ALS2: variants seen among roughly 807,000 people sequenced by gnomAD.
ALS2 encodes alsin.
In ALS2, 117 loss-of-function variants were observed where a neutral mutation model predicts 203.4. The observed-to-expected ratio is 0.58, with a 90% CI of 0.50 to 0.67. The LOEUF is 0.67. ALS2 is among the 30% of genes least tolerant of loss of function. The pLI is 0.00. For synonymous variants in ALS2, 718 were observed against 725.9 expected (o/e 0.99, Z 0.17); for missense variants, 1,715 against 1,989.4 (o/e 0.86, Z 2.62).
In ALS2 at chr2:201,705,906, G is replaced by A. The variant is rs145344042; in HGVS notation, c.4581-445C>T. 9.5e-4 allele frequency among the ~76,000 whole-genome samples: 141 copies of A among 148,622 alleles called. 2 individuals carry two copies. In the East Asian group the frequency reaches 0.028, roughly 29 times the overall value. ...GGAGGTTGCAGCTAGCCAAGATGGT[G>A]CCACTGCACTCCAGCCAGGGCAACA... On this transcript the variant is annotated intron_variant, in intron 29 of 33. Transcript: ENST00000264276.
chr2:201,726,721 G>A lies in ALS2; in HGVS notation c.3125C>T (p.Pro1042Leu), dbSNP rs1437975145. Residue 1042 changes from proline (P) to leucine (L), a missense_variant, in exon 18 of 34, where the codon CCT becomes CTT. Transcript: ENST00000264276. Reference sequence around the variant, plus strand: ...ATCATAGGTGGCATCCTTTAGGCGAGGATCCTTGTAGAAAGTATATTTGGC... The same window carrying A: ...ATCATAGGTGGCATCCTTTAGGCGAAGATCCTTGTAGAAAGTATATTTGGC... ...RSAKYTFYKD[P>L]RLKDATYDGR... is the part of the protein sequence containing the mutation. The A allele has an allele frequency of 1.2e-6, 2 of 1,614,180 alleles. No homozygotes were observed. The highest frequency in any genetic ancestry group is 4.5e-5 in the East Asian group (2 of 44,884).
Position 201,723,325 on chromosome 2 carries a change from C to A in ALS2, c.3624+5G>T. 6.3e-7 allele frequency: 1 copy of A among 1,592,372 alleles called. No individual in the cohort carries two copies. Among genetic ancestry groups the A allele is most frequent in the Non-Finnish European group, 8.6e-7 (1 of 1,160,192 alleles). On this transcript the variant is annotated splice_donor_5th_base_variant and intron_variant, in intron 22 of 33. Transcript: ENST00000264276. ...GTAATAACTACATGCAAATATTCCA[C>A]TCACCATCATTTTATTAAGGTGAAA...
intron 1 of ALS2, 93 bp from the exon 2 acceptor site, chr2:201,769,038 T>G: frequency 4.5e-5 from 27 of 594,396 alleles, no homozygotes; most frequent in Non-Finnish European, 5.3e-5. Flanking sequence ...CAAGTGCACA[T>G]TCACTAGGAA....
chr2:201,724,646 A>G (rs1032984122), intron 20 of ALS2, among the ~76,000 whole-genome samples, 187 bp from the exon 21 acceptor site: 1 of 152,224 alleles, frequency 6.6e-6, no homozygotes, highest in Non-Finnish European at 1.5e-5. Context: ...AGTTAAAGAC[A>G]CCATGTGTGG....
intron 25 of ALS2, among the ~76,000 whole-genome samples, chr2:201,714,791 CAA>C (rs1418252168): frequency 6.6e-6 from 1 of 152,166 alleles, no homozygotes; most frequent in Non-Finnish European, 1.5e-5. Flanking sequence ...GCTTGGTTCT[CAA>C]ACTCTTTGGT....
intron 24 of ALS2, among the ~76,000 whole-genome samples, chr2:201,717,757 T>C (rs867965323): frequency 6.6e-6 from 1 of 151,036 alleles, no homozygotes; most frequent in African/African-American, 2.4e-5. Context: ...GCCTGAGCAA[T>C]AGCAAGACCC....
In ALS2 at chr2:201,733,271, C is replaced by T; in HGVS notation, c.2580+5G>A. On this transcript the variant is annotated splice_donor_5th_base_variant and intron_variant, in intron 13 of 33. Transcript: ENST00000264276. The stretch of plus-strand genomic sequence containing the variant: ...ATGTCCAAAGAGGTATACATGGGAG[C>T]TTACCACTTCAAAACAAGTAGCAAG... 1 of 1,613,672 alleles carries T rather than the reference C, an allele frequency of 6.2e-7. No homozygotes were observed. The highest frequency in any genetic ancestry group is 8.5e-7 in the Non-Finnish European group (1 of 1,179,772).
intron 5 of ALS2, 47 bp downstream of exon 5, chr2:201,757,355 C>G (rs1323478734): frequency 6.7e-7 from 1 of 1,498,128 alleles, no homozygotes; most frequent in Admixed American, 1.7e-5. Flanking sequence ...TCAGGAGCAT[C>G]CTGGATTCCC....
Position 201,723,359 on chromosome 2 carries a change from C to T in ALS2, c.3595G>A (p.Glu1199Lys), listed in dbSNP as rs757044168. ...VVVTQFGLYY[E>K]GNFHLNKMMG... Reference sequence around the variant, plus strand: ...ATTTTATTAAGGTGAAAGTTGCCCTCGTAGTATAATCCAAACTGGGTAACC... The same window carrying T: ...ATTTTATTAAGGTGAAAGTTGCCCTTGTAGTATAATCCAAACTGGGTAACC... Residue 1199 changes from glutamate (E) to lysine (K), a missense_variant, in exon 22 of 34, where the codon GAG becomes AAG. This residue lies in a region of ALS2 where 1,227 missense variants were observed against 1,413.5 expected (regional missense o/e 0.87). Coordinates refer to ENST00000264276, the MANE Select transcript of ALS2 (RefSeq NM_020919.4). The T allele has an allele frequency of 6.8e-6, 11 of 1,613,520 alleles. No homozygotes were observed. The highest frequency in any genetic ancestry group is 7.6e-6 in the Non-Finnish European group (9 of 1,179,592).
chr2:201,720,086 G>A, intron 23 of ALS2: 1 of 401,562 alleles, frequency 2.5e-6, no homozygotes, highest in Non-Finnish European at 4.8e-6. Flanking sequence ...AAATAGGGGA[G>A]GAGGGAACAC....
intron 23 of ALS2, chr2:201,719,966 G>C (rs1376008382): frequency 4.1e-6 from 1 of 243,898 alleles, no homozygotes; most frequent in Admixed American, 5.3e-5. Flanking sequence ...AACTGAGTTA[G>C]AAATTAAAAA....
At chr2:201,704,995 C>A in intron 31 of ALS2, 144 bp downstream of exon 31, 1 of 877,316 alleles carries the variant, frequency 1.1e-6, no homozygotes, top group Non-Finnish European at 1.8e-6. Context: ...ATTCTGATTT[C>A]TGATTTCCAG....
At chr2:201,749,575 A>T (rs1204943889) in intron 8 of ALS2, 137 bp downstream of exon 8, 3 of 840,710 alleles carry the variant, frequency 3.6e-6, no homozygotes, top group Non-Finnish European at 5.8e-6. Flanking sequence ...GTTTTTAAAA[A>T]TTTTCTTATG....
intron 20 of ALS2, 96 bp from the exon 21 acceptor site, chr2:201,724,555 A>C: frequency 2.5e-6 from 3 of 1,192,514 alleles, no homozygotes; most frequent in Non-Finnish European, 3.7e-6. Flanking sequence ...ACTCAGTCTC[A>C]CTGGTAGCTA....
At chr2:201,770,705 T>A (rs771556732) in intron 1 of ALS2, among the ~76,000 whole-genome samples, 37 of 152,048 alleles carry the variant, frequency 2.4e-4, no homozygotes, top group Admixed American at 4.6e-4. Flanking sequence ...AGGAGGAGAA[T>A]CAAAGAGACA....
chr2:201,736,300 G>C, intron 12 of ALS2, among the ~76,000 whole-genome samples: 1 of 152,032 alleles, frequency 6.6e-6, no homozygotes, highest in Non-Finnish European at 1.5e-5. Context: ...TCTTGAAACT[G>C]TCATTTTAAA....
At position 201,727,207 on chromosome 2, in the gene ALS2, C is replaced by T. The variant is rs1553506071; in HGVS notation, c.2979+5G>A. ...GATTGAAGGAAAATACCATAATAGA[C>T]TAACCTTTTCCTGGGGTGTAGATGA... On this transcript the variant is annotated splice_donor_5th_base_variant and intron_variant, in intron 17 of 33. Transcript: ENST00000264276. 3 of 1,609,604 alleles carry T rather than the reference C, an allele frequency of 1.9e-6. No homozygotes were observed. Among genetic ancestry groups the T allele is most frequent in the Non-Finnish European group, 2.6e-6 (3 of 1,175,840 alleles).
intron 13 of ALS2, 55 bp downstream of exon 13, chr2:201,733,221 A>G: frequency 6.3e-7 from 1 of 1,580,532 alleles, no homozygotes; most frequent in Non-Finnish European, 8.7e-7. Context: ...ATCCATACAA[A>G]CAACTATGAT....
chr2:201,746,788 C>T, intron 8 of ALS2, 40 bp from the exon 9 acceptor site: 13 of 1,610,298 alleles, frequency 8.1e-6, no homozygotes, highest in Non-Finnish European at 1.0e-5. Flanking sequence ...AAGATAAAGG[C>T]AATCAGAGAG....
Sources: allele counts gnomAD v4.1 joint callset (sites outside exome capture counted in the v4.1 genomes callset), GRCh38; gene constraint gnomAD v4.1.1; regional missense constraint gnomAD v4.1.1; transcripts MANE v1.5; gene names NCBI Gene and HGNC (gene_info 2026-07-23, HGNC 2026-07-21).